VPS13B: variants seen among roughly 807,000 people sequenced by gnomAD.
The protein encoded by VPS13B is vacuolar protein sorting 13 homolog B.
In VPS13B, 285 loss-of-function variants were observed where a neutral mutation model predicts 426.4. The ratio of observed to expected loss-of-function variants is 0.67; its 90% CI spans 0.61 to 0.74. VPS13B has a LOEUF of 0.74. Among genes scored for constraint, VPS13B ranks in the 30% least tolerant of loss-of-function variants. VPS13B has a pLI of 0.00. For synonymous variants in VPS13B, 1,676 were observed against 1,676.4 expected, an observed-to-expected ratio of 1.00 and a Z score of 0.01; for missense variants, 4,537 against 4,782.6, an observed-to-expected ratio of 0.95 and a Z score of 1.51.
At chr8:99,700,054 G>C in intron 36 of VPS13B, 122 bp downstream of exon 36, 4 of 1,213,188 alleles carry the variant, frequency 3.3e-6, no homozygotes, top group Non-Finnish European at 4.5e-6. Flanking sequence ...GGCCATTAGA[G>C]ATGAGGACAT....
chr8:99,127,474 C>CA (rs1465165724), intron 8 of VPS13B, among the ~76,000 whole-genome samples: 1 of 152,166 alleles, frequency 6.6e-6, no homozygotes, highest in Non-Finnish European at 1.5e-5. Context: ...TAAATTGCAA[C>CA]ATTATCTACT....
intron 39 of VPS13B, among the ~76,000 whole-genome samples, chr8:99,722,508 C>CTTT (rs796198914): frequency 1.4e-5 from 2 of 138,972 alleles, no homozygotes; most frequent in Middle Eastern, 3.4e-3. Flanking sequence ...TATGTAATTC[C>CTTT]TTTTTTTTTT....
intron 17 of VPS13B, among the ~76,000 whole-genome samples, chr8:99,273,303 C>T (rs556168675): frequency 2.6e-5 from 4 of 150,960 alleles, no homozygotes; most frequent in East Asian, 2.0e-4. Flanking sequence ...GGACCACAGG[C>T]GCATGCCACC....
intron 58 of VPS13B, among the ~76,000 whole-genome samples, chr8:99,866,928 C>T (rs564317166): frequency 2.0e-5 from 3 of 152,266 alleles, no homozygotes; most frequent in East Asian, 3.9e-4. Context: ...CTGGGCCTGC[C>T]GGGAGCAGCT....
intron 17 of VPS13B, among the ~76,000 whole-genome samples, chr8:99,224,361 A>G (rs886907138): frequency 1.3e-5 from 2 of 152,188 alleles, no homozygotes; most frequent in African/African-American, 4.8e-5. Flanking sequence ...TCAAGTTAAC[A>G]TGTCATTTAC....
chr8:99,465,003 C>T (rs757032580), intron 23 of VPS13B, among the ~76,000 whole-genome samples: 15 of 151,856 alleles, frequency 9.9e-5, no homozygotes, highest in South Asian at 4.2e-4. Context: ...TTAATTCTGC[C>T]GGCAATATTT....
chr8:99,561,273 G>A (rs898042045), intron 31 of VPS13B, among the ~76,000 whole-genome samples: 23 of 152,080 alleles, frequency 1.5e-4, no homozygotes, highest in African/African-American at 5.6e-4. Context: ...ATGAATTTAT[G>A]TATTCTGGAG....
At chr8:99,423,203 T>C (rs1196852171) in intron 21 of VPS13B, among the ~76,000 whole-genome samples, 2 of 152,126 alleles carry the variant, frequency 1.3e-5, no homozygotes, top group Non-Finnish European at 2.9e-5. Context: ...CTCACAACTT[T>C]TACTATTTCC....
chr8:99,257,880 A>G (rs976809915), intron 17 of VPS13B, among the ~76,000 whole-genome samples: 5 of 151,530 alleles, frequency 3.3e-5, no homozygotes, highest in African/African-American at 1.2e-4. Flanking sequence ...GGGGTTTACT[A>G]TAATATGACT....
At chr8:99,359,518 C>T (rs770842143) in intron 19 of VPS13B, among the ~76,000 whole-genome samples, 9 of 151,894 alleles carry the variant, frequency 5.9e-5, no homozygotes, top group Non-Finnish European at 1.3e-4. Flanking sequence ...GTATTTTAGA[C>T]AACAAAGTGA....
At chr8:99,063,123 C>T (rs1364784918) in intron 3 of VPS13B, among the ~76,000 whole-genome samples, 3 of 152,180 alleles carry the variant, frequency 2.0e-5, no homozygotes, top group African/African-American at 4.8e-5. Flanking sequence ...CCAGTAGGAA[C>T]AGCTCCAGTC....
intron 33 of VPS13B, among the ~76,000 whole-genome samples, chr8:99,606,628 T>C (rs1432232539): frequency 8.7e-6 from 1 of 115,380 alleles, no homozygotes; most frequent in East Asian, 4.5e-4. Context: ...CTTTTTCTTT[T>C]CTTTTTTTTT....
intron 43 of VPS13B, among the ~76,000 whole-genome samples, chr8:99,804,812 C>A (rs780812053): frequency 2.0e-5 from 3 of 151,556 alleles, no homozygotes; most frequent in Non-Finnish European, 4.4e-5. Flanking sequence ...GGCAAAATAA[C>A]AAGACCTCAT....
chr8:99,405,786 T>C (rs905485913), intron 21 of VPS13B, among the ~76,000 whole-genome samples: 4 of 151,716 alleles, frequency 2.6e-5, no homozygotes, highest in African/African-American at 7.3e-5. Context: ...TTTTCTTTTT[T>C]TTTTTTCCTT....
At chr8:99,350,214 C>G (rs774736291) in intron 19 of VPS13B, among the ~76,000 whole-genome samples, 8 of 152,060 alleles carry the variant, frequency 5.3e-5, no homozygotes, top group Admixed American at 1.3e-4. Context: ...GGAGAGAGCT[C>G]CAGAGAAAGT....
At chr8:99,712,095 A>C (rs1832729953) in intron 36 of VPS13B, among the ~76,000 whole-genome samples, 1 of 152,210 alleles carries the variant, frequency 6.6e-6, no homozygotes, top group Non-Finnish European at 1.5e-5. Context: ...TTAAAATCCC[A>C]TTGGTTAAAG....
At chr8:99,108,255 CATCT>C (rs1036138316) in intron 5 of VPS13B, among the ~76,000 whole-genome samples, 7 of 152,136 alleles carry the variant, frequency 4.6e-5, no homozygotes, top group Non-Finnish European at 1.0e-4. Context: ...TGTTGTTGGG[CATCT>C]AGGTTGATTC....
At chr8:99,665,429 T>G (rs1425679326) in intron 35 of VPS13B, among the ~76,000 whole-genome samples, 3 of 152,230 alleles carry the variant, frequency 2.0e-5, no homozygotes, top group Non-Finnish European at 4.4e-5. Flanking sequence ...CTAGGTTTTC[T>G]TCTAGGGTTT....
At chr8:99,059,145 A>T (rs1295953594) in intron 3 of VPS13B, among the ~76,000 whole-genome samples, 1 of 152,046 alleles carries the variant, frequency 6.6e-6, no homozygotes, top group Non-Finnish European at 1.5e-5. Flanking sequence ...TTTGGAGTTT[A>T]TGTCTTTTTG....
Sources: gnomAD v4.1 joint callset for allele counts (sites outside exome capture counted in the v4.1 genomes callset) on GRCh38, gnomAD v4.1.1 for gene constraint, MANE v1.5 for transcripts, NCBI Gene and HGNC (gene_info 2026-07-23, HGNC 2026-07-21) for gene names.